The following FAM186A variants were observed in gnomAD, a reference collection of about 807,000 sequenced individuals.
FAM186A encodes family with sequence similarity 186 member A.
In FAM186A, 163 loss-of-function variants were observed where a neutral mutation model predicts 216.8. The observed-to-expected ratio is 0.75, with a 90% confidence interval of 0.66 to 0.86. The LOEUF (loss-of-function observed/expected upper bound fraction) is 0.86. Ranked by LOEUF, FAM186A falls within the 40% of genes least tolerant of loss-of-function variation. The pLI, the probability that FAM186A is intolerant of heterozygous loss-of-function variation, is 0.00. For missense variants in FAM186A, 2,184 were observed against 2,746.2 expected (o/e 0.80, Z 4.58); for synonymous variants, 805 against 1,025.3 (o/e 0.79, Z 4.10).
chr12:50,365,516 AC>A (rs1943079042), intron 1 of FAM186A: 1 of 327,458 alleles, frequency 3.1e-6, no homozygotes. Flanking sequence ...CCACTGGTTC[AC>A]CCCTTCCAAC....
At chr12:50,382,006 T>C (rs895467636) in intron 1 of FAM186A, among the ~76,000 whole-genome samples, 46 of 151,778 alleles carry the variant, frequency 3.0e-4, no homozygotes, top group African/African-American at 1.1e-3. Flanking sequence ...AGCATCCCCT[T>C]TTGAGTAGGG....
rs1210647333 is a variant in FAM186A at position 50,350,859 on chromosome 12, C to T, written c.5973G>A (p.Ser1991=). Residue 1991 remains serine (S), a synonymous_variant, in exon 4 of 8, where the codon TCG becomes TCA. Transcript: ENST00000327337. ...VPFTTKKFQM[S]EVSDTSEETQ... is the part of the protein sequence containing the mutation. Reference sequence around the variant, plus strand: ...TTTCTTCGGAAGTGTCAGAGACCTCCGACATTTGGAACTTCTTAGTGGTGA... The same window carrying T: ...TTTCTTCGGAAGTGTCAGAGACCTCTGACATTTGGAACTTCTTAGTGGTGA... 9.7e-6 allele frequency: 15 copies of T among 1,551,648 alleles called. No individual in the cohort carries two copies. The highest frequency in any genetic ancestry group is 9.5e-5 in the South Asian group (8 of 84,060).
chr12:50,335,368 G>C (rs574325755), intron 4 of FAM186A, among the ~76,000 whole-genome samples: 1 of 151,816 alleles, frequency 6.6e-6, no homozygotes, highest in Admixed American at 6.6e-5. Context: ...AGGTAAGGCC[G>C]GGCACAGTGT....
rs1361711067 is a variant in FAM186A at position 50,363,447 on chromosome 12, C to T, written c.193-83G>A. On this transcript the variant is annotated intron_variant, in intron 1 of 7. Coordinates refer to ENST00000327337, the MANE Select transcript of FAM186A (RefSeq NM_001145475.3). ...ATCTTTCTTCTCAGAACGTCAGTGA[C>T]AGTTAATTTAAAGCTATCCAATTAA... 6.0e-6 allele frequency: 7 copies of T among 1,169,766 alleles called. No homozygotes were observed. The East Asian group carries it at 1.5e-4, about 26-fold the overall frequency. 72.5% of individuals were successfully genotyped at this position (1,169,766 alleles called of 1,614,324 possible).
chr12:50,361,494 C>T (rs1028274592), intron 2 of FAM186A, among the ~76,000 whole-genome samples: 14 of 151,550 alleles, frequency 9.2e-5, no homozygotes, highest in Non-Finnish European at 1.8e-4. Flanking sequence ...CCACCACACC[C>T]GGCCTATGTG....
At chr12:50,382,361 G>T (rs1376685301) in intron 1 of FAM186A, among the ~76,000 whole-genome samples, 4 of 151,850 alleles carry the variant, frequency 2.6e-5, no homozygotes, top group Middle Eastern at 3.2e-3. Context: ...TTTCTAGGGG[G>T]AATAGCATGT....
intron 3 of FAM186A, among the ~76,000 whole-genome samples, chr12:50,359,692 T>A (rs2136096162): frequency 6.6e-6 from 1 of 152,208 alleles, no homozygotes; most frequent in Non-Finnish European, 1.5e-5. Flanking sequence ...TCCAAACAAC[T>A]GTGTAAACTA....
Position 50,369,287 on chromosome 12 carries a change from G to A in FAM186A, c.193-5923C>T, listed in dbSNP as rs144098725. Among the ~76,000 whole-genome samples the A allele has an allele frequency of 2.7e-3, 412 of 151,256 alleles. 13 individuals are homozygous for A. In the East Asian group the frequency reaches 0.07, roughly 26 times the overall value. On this transcript the variant is annotated intron_variant, in intron 1 of 7. Coordinates refer to ENST00000327337, the MANE Select transcript of FAM186A (RefSeq NM_001145475.3). ...AGGCGGATCACGAGGTCAGGAGATC[G>A]GACCATCCTGGCTAACATGGTGAAA...
At chr12:50,391,530 G>C (rs1477368067) in intron 1 of FAM186A, among the ~76,000 whole-genome samples, 2 of 151,266 alleles carry the variant, frequency 1.3e-5, no homozygotes, top group Non-Finnish European at 2.9e-5. Context: ...TGGCCAGGCT[G>C]GTCTCAAACT....
At chr12:50,340,411 T>A (rs1245268862) in intron 4 of FAM186A, among the ~76,000 whole-genome samples, 1 of 152,124 alleles carries the variant, frequency 6.6e-6, no homozygotes, top group Non-Finnish European at 1.5e-5. Context: ...GTGGTGGATA[T>A]TTTTTAAATG....
At chr12:50,348,905 TAGTA>T (rs1942848297) in intron 4 of FAM186A, among the ~76,000 whole-genome samples, 1 of 152,094 alleles carries the variant, frequency 6.6e-6, no homozygotes, top group Non-Finnish European at 1.5e-5. Context: ...TGTGGGTACA[TAGTA>T]GGTATATATA....
At position 50,354,779 on chromosome 12, in the gene FAM186A, C is replaced by T; in HGVS notation, c.2053G>A (p.Asp685Asn). 1 of 1,534,922 alleles carries T rather than the reference C, an allele frequency of 6.5e-7. No homozygotes were observed. The change falls in exon 4 of 8, where the codon GAT becomes AAT. Residue 685 changes from aspartate to asparagine, a missense_variant. By Grantham distance (23) the Asp-to-Asn change is conservative. Transcript: ENST00000327337. ...AIMAFLKQKIDNIGKAFDKKT... is the reference protein window; with the variant it reads ...AIMAFLKQKINNIGKAFDKKT... ...TTGTCAAAAGCCTTTCCTATGTTAT[C>T]AATTTTCTGTTTTAGGAAAGCCATT...
At chr12:50,343,241 G>T (rs1353209615) in intron 4 of FAM186A, among the ~76,000 whole-genome samples, 1 of 151,770 alleles carries the variant, frequency 6.6e-6, no homozygotes, top group South Asian at 2.1e-4. Context: ...GGGGCCCCAT[G>T]TGTTGTTCAG....
In FAM186A at chr12:50,396,290, T is replaced by G; in HGVS notation, c.192+3A>C. 6.6e-7 allele frequency: 1 copy of G among 1,524,100 alleles called. No individual in the cohort carries two copies. The highest frequency in any genetic ancestry group is 8.8e-7 in the Non-Finnish European group (1 of 1,134,572). 94.4% of individuals were successfully genotyped at this position (1,524,100 alleles called of 1,614,324 possible). ...GTCTGTAAACTTCAGATTCACTACC[T>G]ACCTCTCTGGCTCGATGGAGCTGTG... On this transcript the variant is annotated splice_donor_region_variant and intron_variant, in intron 1 of 7. Coordinates refer to ENST00000327337, the MANE Select transcript of FAM186A (RefSeq NM_001145475.3).
chr12:50,389,965 C>T (rs1943342265), intron 1 of FAM186A, among the ~76,000 whole-genome samples: 1 of 152,152 alleles, frequency 6.6e-6, no homozygotes, highest in Non-Finnish European at 1.5e-5. Flanking sequence ...GCACTAGTGG[C>T]TCCTATTTGG....
intron 1 of FAM186A, among the ~76,000 whole-genome samples, chr12:50,378,609 ATGTAAATTG>A: frequency 2.7e-4 from 2 of 7,536 alleles, no homozygotes; most frequent in East Asian, 0.016. Flanking sequence ...ATATACACAT[ATGTAAATTG>A]TATATATATA....
Position 50,353,313 on chromosome 12 carries a change from AG to A in FAM186A, c.3518del (p.Pro1173LeufsTer31). 1 of 1,542,832 alleles carries A rather than the reference AG, an allele frequency of 6.5e-7. No individual in the cohort carries two copies. ...QAQKLGIPLT[P>X]QQAQALGIPL... ...GGATCCCCAGGGCCTGGGCCTGCTG[AG>A]GGGTAAGAGGGATCCCTAGTTTCTG... On this transcript the variant is annotated frameshift_variant, in exon 4 of 8. Coordinates refer to ENST00000327337, the MANE Select transcript of FAM186A (RefSeq NM_001145475.3). LOFTEE classifies it high-confidence loss of function.
intron 4 of FAM186A, among the ~76,000 whole-genome samples, chr12:50,347,164 A>C (rs1229301246): frequency 6.6e-6 from 1 of 152,164 alleles, no homozygotes; most frequent in Non-Finnish European, 1.5e-5. Context: ...ATGGCTTGGC[A>C]GGGAGTGAAC....
intron 4 of FAM186A, among the ~76,000 whole-genome samples, chr12:50,334,715 C>T (rs750118303): frequency 2.0e-4 from 30 of 152,074 alleles, no homozygotes; most frequent in Middle Eastern, 3.4e-3. Context: ...TGACCTCAAG[C>T]GATCCTCCTG....
Sources: allele counts gnomAD v4.1 joint callset (sites outside exome capture counted in the v4.1 genomes callset), GRCh38; gene constraint gnomAD v4.1.1; transcripts MANE v1.5; gene names NCBI Gene and HGNC (gene_info 2026-07-23, HGNC 2026-07-21).